KLHL1: variants seen among roughly 807,000 people sequenced by gnomAD.
The protein encoded by KLHL1 is kelch-like protein 1.
In KLHL1, 47 loss-of-function variants were observed where a neutral mutation model predicts 77.7. The ratio of observed to expected loss-of-function variants is 0.60; its 90% CI spans 0.48 to 0.77. The LOEUF (loss-of-function observed/expected upper bound fraction) is 0.77, where lower values mean the gene tolerates loss of function less well. Among genes scored for constraint, KLHL1 ranks in the 30% least tolerant of loss-of-function variants. The probability of loss-of-function intolerance (pLI) is 0.00; values close to 1 mark genes in which losing one functional copy is unlikely to be tolerated. For missense variants in KLHL1, 925 were observed against 910.8 expected (o/e 1.02, Z -0.20); for synonymous variants, 360 against 325.2 (o/e 1.11, Z -1.15).
intron 1 of KLHL1, among the ~76,000 whole-genome samples, chr13:70,031,225 A>T (rs915803841): frequency 3.9e-5 from 6 of 152,178 alleles, no homozygotes; most frequent in African/African-American, 1.4e-4. Context: ...AAGCATCGCA[A>T]GGATCATTCA....
At chr13:69,780,713 T>TACACAC (rs1876117512) in intron 7 of KLHL1, among the ~76,000 whole-genome samples, 3 of 32,952 alleles carry the variant, frequency 9.1e-5, no homozygotes, top group African/African-American at 3.5e-4. Flanking sequence ...TATATATATA[T>TACACAC]ATGTATATAT....
At chr13:70,005,298 A>C (rs1233425773) in intron 1 of KLHL1, among the ~76,000 whole-genome samples, 1 of 152,038 alleles carries the variant, frequency 6.6e-6, no homozygotes, top group Non-Finnish European at 1.5e-5. Context: ...TACCAAATTA[A>C]ATTGATTAAG....
rs187327084 is a variant in KLHL1, at chr13:69,728,101, C to G, written c.1803-8520G>C. Among the ~76,000 whole-genome samples, 785 of 152,026 alleles carry G rather than the reference C, an allele frequency of 5.2e-3. 2 individuals carry two copies. The highest frequency in any genetic ancestry group is 0.018 in the African/African-American group (763 of 41,454). On this transcript the variant is annotated intron_variant, in intron 8 of 10. Coordinates refer to ENST00000377844, the MANE Select transcript of KLHL1 (RefSeq NM_020866.3). ...AATTCTCCTGAGCTGATTAGTAGCC[C>G]CAACTGAGATTCAGTAAACAGCAAT...
At position 69,737,509 on chromosome 13, in the gene KLHL1, CT is replaced by C. The variant is rs1446741186; in HGVS notation, c.1802+2884del. Among the ~76,000 whole-genome samples, 3 of 152,326 alleles carry C rather than the reference CT, an allele frequency of 2.0e-5. No individual in the cohort carries two copies. In the East Asian group the frequency reaches 5.8e-4, roughly 30 times the overall value. On this transcript the variant is annotated intron_variant, in intron 8 of 10. Coordinates refer to ENST00000377844, the MANE Select transcript of KLHL1 (RefSeq NM_020866.3). ...TGGGTTCCCAGAGAGGGAAGGGCTG[CT>C]GCCATCACTGTGGCTCCAGTCAGCT...
intron 6 of KLHL1, among the ~76,000 whole-genome samples, chr13:69,817,454 C>CT (rs924726780): frequency 3.3e-5 from 5 of 152,206 alleles, no homozygotes; most frequent in Non-Finnish European, 5.9e-5. Flanking sequence ...CTAAGATACT[C>CT]TAATTGAAGG....
At chr13:69,841,929 ACACTTGGGAAAGGACACCCTCTT>A (rs1879277627) in intron 5 of KLHL1, among the ~76,000 whole-genome samples, 2 of 151,840 alleles carry the variant, frequency 1.3e-5, no homozygotes. Context: ...ACAAGAACTT[ACACTTGGGAAAGGACACCCTCTT>A]CAATAAATGG....
At chr13:70,019,057 C>T (rs1424450976) in intron 1 of KLHL1, among the ~76,000 whole-genome samples, 3 of 152,122 alleles carry the variant, frequency 2.0e-5, no homozygotes, top group Non-Finnish European at 4.4e-5. Flanking sequence ...ATTATTTCAA[C>T]AGAATATCCT....
chr13:69,775,480 T>C (rs953953287), intron 7 of KLHL1, among the ~76,000 whole-genome samples: 4 of 152,194 alleles, frequency 2.6e-5, no homozygotes, highest in African/African-American at 9.7e-5. Context: ...TTTGATTTTC[T>C]ATATATGACA....
intron 5 of KLHL1, among the ~76,000 whole-genome samples, chr13:69,839,391 C>A (rs919203618): frequency 3.3e-5 from 5 of 151,820 alleles, no homozygotes; most frequent in Non-Finnish European, 7.4e-5. Flanking sequence ...CATTTTACCA[C>A]ACAGAGTAAA....
At chr13:69,719,234 G>GAGAA in intron 9 of KLHL1, 135 bp downstream of exon 9, 1 of 630,124 alleles carries the variant, frequency 1.6e-6, no homozygotes, top group Non-Finnish European at 2.8e-6. Flanking sequence ...GAGAGAGAGA[G>GAGAA]AAAGGAGTTA....
chr13:69,911,218 T>C (rs1882227345), intron 4 of KLHL1, among the ~76,000 whole-genome samples: 1 of 152,142 alleles, frequency 6.6e-6, no homozygotes, highest in Non-Finnish European at 1.5e-5. Context: ...AATTGATTCC[T>C]AATACATTTT....
At chr13:70,097,754 C>A (rs995670452) in intron 1 of KLHL1, among the ~76,000 whole-genome samples, 2 of 151,860 alleles carry the variant, frequency 1.3e-5, no homozygotes, top group Non-Finnish European at 2.9e-5. Flanking sequence ...ATGGAATTAG[C>A]CTTTCAAACA....
chr13:70,000,905 C>G (rs1885271496), intron 1 of KLHL1, among the ~76,000 whole-genome samples: 1 of 138,442 alleles, frequency 7.2e-6, no homozygotes, highest in Non-Finnish European at 1.6e-5. Flanking sequence ...TAGAAAAAAG[C>G]AAAGATAAAA....
intron 4 of KLHL1, among the ~76,000 whole-genome samples, chr13:69,937,170 C>G (rs772851249): frequency 6.6e-6 from 1 of 152,172 alleles, no homozygotes; most frequent in African/African-American, 2.4e-5. Context: ...AAGGAAAGAT[C>G]TGGAGATGGA....
intron 7 of KLHL1, among the ~76,000 whole-genome samples, chr13:69,750,061 A>G (rs1348053238): frequency 6.6e-6 from 1 of 151,592 alleles, no homozygotes; most frequent in Non-Finnish European, 1.5e-5. Context: ...GAATATATTT[A>G]TTTTAAATTA....
intron 1 of KLHL1, among the ~76,000 whole-genome samples, chr13:69,998,462 T>A (rs183703909): frequency 6.6e-6 from 1 of 152,218 alleles, no homozygotes. Flanking sequence ...CCCCATTAAC[T>A]GACTATGGCT....
Position 69,780,748 on chromosome 13 carries a change from A to G in KLHL1, c.1639+15990T>C, listed in dbSNP as rs1281207931. Among the ~76,000 whole-genome samples, 7 of 96,694 alleles carry G rather than the reference A, an allele frequency of 7.2e-5. 1 individual carries two copies. The highest frequency in any genetic ancestry group is 3.1e-4 in the African/African-American group (7 of 22,304). 63.4% of individuals were successfully genotyped at this position (96,694 alleles called of 152,430 possible). A position where few individuals can be genotyped will look rare whatever the true frequency, so the allele number is the denominator to read the frequency against. ...TATATATATACATATATATATACAT[A>G]TATATATATACACACACATTTATAT... On this transcript the variant is annotated intron_variant, in intron 7 of 10. Coordinates refer to ENST00000377844, the MANE Select transcript of KLHL1 (RefSeq NM_020866.3).
chr13:69,788,477 C>T (rs1876680254), intron 7 of KLHL1, among the ~76,000 whole-genome samples: 2 of 151,946 alleles, frequency 1.3e-5, no homozygotes, highest in Middle Eastern at 6.8e-3. Flanking sequence ...CACATGGACA[C>T]AGGAAGGGGA....
At chr13:69,944,978 C>CTTTTTTT (rs750774784) in intron 3 of KLHL1, among the ~76,000 whole-genome samples, 3 of 79,862 alleles carry the variant, frequency 3.8e-5, no homozygotes, top group Admixed American at 1.7e-4. Flanking sequence ...TATAAAACTT[C>CTTTTTTT]TTTTTTTTTT....
Sources: gnomAD v4.1 joint callset for allele counts (sites outside exome capture counted in the v4.1 genomes callset) on GRCh38, gnomAD v4.1.1 for gene constraint, MANE v1.5 for transcripts, NCBI Gene and HGNC (gene_info 2026-07-23, HGNC 2026-07-21) for gene names.